The following DYNC1H1 variants were observed in gnomAD, a reference collection of about 807,000 sequenced individuals.
DYNC1H1 encodes dynein cytoplasmic 1 heavy chain 1.
A neutral mutation model predicts 527.1 loss-of-function variants in DYNC1H1; 51 were observed. The ratio of observed to expected loss-of-function variants is 0.10; its 90% CI spans 0.08 to 0.12. The LOEUF (loss-of-function observed/expected upper bound fraction) is 0.12, where lower values mean the gene tolerates loss of function less well. DYNC1H1 is among the 10% of genes least tolerant of loss of function. The pLI, the probability that DYNC1H1 is intolerant of heterozygous loss-of-function variation, is 1.00. For synonymous variants in DYNC1H1, 2,189 were observed against 2,278.8 expected, an observed-to-expected ratio of 0.96 and a Z score of 1.12; for missense variants, 2,771 against 5,971.8, an observed-to-expected ratio of 0.46 and a Z score of 17.66.
At chr14:102,006,952 G>T in intron 27 of DYNC1H1, 56 bp from the exon 28 acceptor site, 1 of 1,573,224 alleles carries the variant, frequency 6.4e-7, no homozygotes, top group Non-Finnish European at 8.7e-7. Flanking sequence ...TAAAGCTAAA[G>T]ATATGTTTTC....
intron 72 of DYNC1H1, among the ~76,000 whole-genome samples, chr14:102,046,784 G>A (rs778295164): frequency 4.0e-5 from 6 of 151,750 alleles, no homozygotes; most frequent in African/African-American, 1.2e-4. Flanking sequence ...CTTTGGACTC[G>A]GGCTGCTGGT....
rs958322752 is a variant in DYNC1H1, at chr14:102,000,568, G to C, written c.4074+169G>C. ...TCCAAAATACTGTAAAACTTATTTTGAAACCTTTTTTTTTTTTTTTTTTGA... is the reference window on the plus strand; with the variant it reads ...TCCAAAATACTGTAAAACTTATTTTCAAACCTTTTTTTTTTTTTTTTTTGA... On this transcript the variant is annotated intron_variant, in intron 18 of 77. Transcript: ENST00000360184. The C allele has an allele frequency of 1.4e-4, 79 of 553,082 alleles. 1 individual carries two copies. Among genetic ancestry groups the C allele is most frequent in the Non-Finnish European group, 2.2e-4 (72 of 323,676 alleles). The allele number at this position is 553,082 out of a possible 1,614,324, so 34.3% of individuals were successfully genotyped here.
At chr14:102,004,977 T>A in intron 25 of DYNC1H1, 27 bp downstream of exon 25, 1 of 1,614,228 alleles carries the variant, frequency 6.2e-7, no homozygotes, top group African/African-American at 1.3e-5. Context: ...GTGAGTGGGC[T>A]CGTGGTGAAA....
In DYNC1H1 at chr14:102,050,696, C is replaced by G; in HGVS notation, c.*133C>G. The G allele has an allele frequency of 1.4e-6, 2 of 1,438,228 alleles. No homozygotes were observed. Among genetic ancestry groups the G allele is most frequent in the Non-Finnish European group, 1.9e-6 (2 of 1,041,212 alleles). The allele number at this position is 1,438,228 out of a possible 1,614,324, so 89.1% of individuals were successfully genotyped here. On this transcript the variant is annotated 3_prime_UTR_variant, in exon 78 of 78. Coordinates refer to ENST00000360184, the MANE Select transcript of DYNC1H1 (RefSeq NM_001376.5). ...GAGGTTGGAGGAAGCTGAATGGAATCTGACGGTTGGGAGTGGTGGAAATTG... is the reference window on the plus strand; with the variant it reads ...GAGGTTGGAGGAAGCTGAATGGAATGTGACGGTTGGGAGTGGTGGAAATTG...
chr14:102,024,077 G>A (rs949839855), intron 43 of DYNC1H1, among the ~76,000 whole-genome samples: 5 of 152,172 alleles, frequency 3.3e-5, no homozygotes, highest in Admixed American at 1.3e-4. Flanking sequence ...TGTGAGGGTC[G>A]AGCCATTGGA....
In DYNC1H1 at chr14:102,008,143, G is replaced by C. The variant is rs368804155; in HGVS notation, c.5818-35G>C. On this transcript the variant is annotated intron_variant, in intron 28 of 77. Transcript: ENST00000360184. ...AGGGGAGACAATTGAGGGCACAGCA[G>C]GTGGTTTTAGCGCCTTTCTTCCTCT... The C allele has an allele frequency of 4.7e-5, 75 of 1,612,194 alleles. No individual in the cohort carries two copies. The Middle Eastern group carries it at 1.3e-3, about 28-fold the overall frequency.
chr14:102,047,680 C>A, intron 72 of DYNC1H1, 137 bp from the exon 73 acceptor site: 1 of 697,182 alleles, frequency 1.4e-6, no homozygotes, highest in Non-Finnish European at 2.4e-6. Context: ...CACGGCTGAG[C>A]ACCTTCCAGA....
In DYNC1H1 at chr14:102,008,620, C is replaced by G. The variant is rs1284340025; in HGVS notation, c.5977+283C>G. 2.0e-5 allele frequency among the ~76,000 whole-genome samples: 3 copies of G among 152,212 alleles called. No individual in the cohort carries two copies. In the East Asian group the frequency reaches 5.8e-4, roughly 29 times the overall value. Reference sequence around the variant, plus strand: ...CTGGCCAACGTGGTGAAACCCATCTCTACTGAAAATATAAAAATTAGCCTG... The same window carrying G: ...CTGGCCAACGTGGTGAAACCCATCTGTACTGAAAATATAAAAATTAGCCTG... On this transcript the variant is annotated intron_variant, in intron 29 of 77. Transcript: ENST00000360184.
intron 1 of DYNC1H1, among the ~76,000 whole-genome samples, chr14:101,973,785 C>G (rs993083991): frequency 1.1e-4 from 17 of 152,070 alleles, no homozygotes; most frequent in African/African-American, 4.1e-4. Flanking sequence ...GCCTGGGCGG[C>G]AGAGCAAGAC....
intron 28 of DYNC1H1, 61 bp from the exon 29 acceptor site, chr14:102,008,116 AG>A: frequency 6.2e-7 from 1 of 1,607,086 alleles, no homozygotes; most frequent in African/African-American, 1.3e-5. Context: ...GTGGCAAGGG[AG>A]AGGGGAGACA....
chr14:102,015,910 G>A lies in DYNC1H1; in HGVS notation c.7297G>A (p.Val2433Ile), dbSNP rs1011204533. ...MQPYFTSNGL[V>I]TKALEHAFQL... ...ACCGTACTTCACGTCCAACGGCCTG[G>A]TCACCAAGGCGCTAGAGCACGCCTT... is the stretch of plus-strand genomic sequence containing the variant. Residue 2433 changes from valine (V) to isoleucine (I), a missense_variant, in exon 36 of 78, where the codon GTC becomes ATC. By Grantham distance (29) the Val-to-Ile change is conservative. Around this residue, in one of 32 missense-constraint regions of DYNC1H1, gnomAD observed 122 missense variants for 168.4 expected, o/e 0.72. Coordinates refer to ENST00000360184, the MANE Select transcript of DYNC1H1 (RefSeq NM_001376.5). This position sits in a 1 kb window ranked among gnomAD's most constrained non-coding sequence, Gnocchi z 6.9. The A allele has an allele frequency of 6.2e-6, 10 of 1,614,248 alleles. No homozygotes were observed. The highest frequency in any genetic ancestry group is 8.5e-6 in the Non-Finnish European group (10 of 1,180,042).
At position 102,042,563 on chromosome 14, in the gene DYNC1H1, C is replaced by T. The variant is rs2048665115; in HGVS notation, c.12399+56C>T. The T allele has an allele frequency of 3.1e-6, 5 of 1,613,718 alleles. No individual in the cohort carries two copies. Among genetic ancestry groups the T allele is most frequent in the Admixed American group, 1.7e-5 (1 of 59,980 alleles). ...GGCTGGCCTGGCACTGTGCTGTCGG[C>T]ACGTGTGTGGTGGAATTGAACAGGC... On this transcript the variant is annotated intron_variant, in intron 68 of 77. Transcript: ENST00000360184. The surrounding 1 kb of genome is among the most constrained non-coding windows in gnomAD (Gnocchi z 5.7).
Position 101,965,208 on chromosome 14 carries a change from C to T in DYNC1H1, c.256+261C>T, listed in dbSNP as rs1348918026. ...CCCGGCCCGGAGCCCCCAGGGCGCC[C>T]CGCTCCTGGTCGCGGGGAGGGGAAA... On this transcript the variant is annotated intron_variant, in intron 1 of 77. Coordinates refer to ENST00000360184, the MANE Select transcript of DYNC1H1 (RefSeq NM_001376.5). This position sits in a 1 kb window ranked among gnomAD's most constrained non-coding sequence, Gnocchi z 4.1. Among the ~76,000 whole-genome samples, 1 of 152,060 alleles carries T rather than the reference C, an allele frequency of 6.6e-6. No individual in the cohort carries two copies. Among genetic ancestry groups the T allele is most frequent in the African/African-American group, 2.4e-5 (1 of 41,440 alleles).
intron 11 of DYNC1H1, among the ~76,000 whole-genome samples, chr14:101,992,837 C>T (rs1001471338): frequency 2.0e-5 from 3 of 152,188 alleles, no homozygotes; most frequent in Non-Finnish European, 4.4e-5. Context: ...CCTGGTTCTC[C>T]TCCCACCTCA....
At chr14:101,980,747 C>G (rs1237427292) in intron 5 of DYNC1H1, among the ~76,000 whole-genome samples, 197 bp downstream of exon 5, 2 of 152,226 alleles carry the variant, frequency 1.3e-5, no homozygotes, top group African/African-American at 4.8e-5. Context: ...TAGCTTTCCC[C>G]TTTCCCTTCA....
intron 72 of DYNC1H1, among the ~76,000 whole-genome samples, chr14:102,047,317 G>A (rs892232487): frequency 6.6e-6 from 1 of 152,110 alleles, no homozygotes; most frequent in African/African-American, 2.4e-5. Flanking sequence ...CAGATCACCT[G>A]AGGTCAGGAG....
rs1371632535 is a variant in DYNC1H1, at chr14:102,044,408, C to A, written c.12819C>A (p.Phe4273Leu). ...RLLNTFLERL[F>L]TTRSFDSEFK... ...TCAACACCTTCCTGGAGCGCCTGTT[C>A]ACAACCAGGAGTTTCGACAGTGAGT... The change falls in exon 71 of 78, where the codon TTC (phenylalanine) becomes TTA (leucine). Residue 4273 changes from phenylalanine (F) to leucine (L), a missense_variant. Coordinates refer to ENST00000360184, the MANE Select transcript of DYNC1H1 (RefSeq NM_001376.5). This position sits in a 1 kb window ranked among gnomAD's most constrained non-coding sequence, Gnocchi z 7.1. 6.2e-7 allele frequency: 1 copy of A among 1,614,200 alleles called. No homozygotes were observed. Among genetic ancestry groups the A allele is most frequent in the Non-Finnish European group, 8.5e-7 (1 of 1,180,042 alleles).
At chr14:102,040,855 A>G in intron 64 of DYNC1H1, 182 bp downstream of exon 64, 1 of 702,458 alleles carries the variant, frequency 1.4e-6, no homozygotes, top group East Asian at 2.8e-5. Flanking sequence ...TCTACTCGGG[A>G]GGCTAAAGCA....
chr14:101,978,714 A>G (rs933055192), intron 2 of DYNC1H1, among the ~76,000 whole-genome samples: 2 of 152,212 alleles, frequency 1.3e-5, no homozygotes, highest in South Asian at 2.1e-4. Context: ...CAATGGAAAC[A>G]TGAAGACTGG....
Sources: allele counts gnomAD v4.1 joint callset (sites outside exome capture counted in the v4.1 genomes callset), GRCh38; gene constraint gnomAD v4.1.1; regional missense constraint gnomAD v4.1.1; non-coding constraint Gnocchi (gnomAD v3.1); transcripts MANE v1.5; gene names NCBI Gene and HGNC (gene_info 2026-07-23, HGNC 2026-07-21).